CYTH3: variants seen among roughly 807,000 people sequenced by gnomAD.
CYTH3 encodes the protein cytohesin 3, also known as cytohesin-3.
CYTH3 carries 23 observed loss-of-function variants against 55.1 expected under a neutral mutation model. That is an observed-to-expected ratio of 0.42 (90% CI 0.30 to 0.59). The LOEUF is 0.59. CYTH3 is among the 20% of genes least tolerant of loss of function. The pLI is 0.20. For missense variants in CYTH3, 413 were observed against 524.8 expected, an observed-to-expected ratio of 0.79 and a Z score of 2.08; for synonymous variants, 249 against 194.9, an observed-to-expected ratio of 1.28 and a Z score of -2.31.
intron 1 of CYTH3, among the ~76,000 whole-genome samples, chr7:6,206,020 A>G (rs986133928): frequency 1.3e-5 from 2 of 152,066 alleles, no homozygotes; most frequent in African/African-American, 4.8e-5. Flanking sequence ...TCAATTATTA[A>G]AATAAAATCA....
intron 1 of CYTH3, among the ~76,000 whole-genome samples, chr7:6,229,520 T>C (rs986390541): frequency 6.6e-6 from 1 of 151,706 alleles, no homozygotes; most frequent in Admixed American, 6.6e-5. Flanking sequence ...TCATAGAACA[T>C]ATCTCAGGGC....
chr7:6,214,156 G>A (rs1784379674), intron 1 of CYTH3, among the ~76,000 whole-genome samples: 1 of 152,178 alleles, frequency 6.6e-6, no homozygotes, highest in South Asian at 2.1e-4. Flanking sequence ...AAGATGGATG[G>A]ATGGATCGAT....
At chr7:6,245,929 G>A (rs1310694162) in intron 1 of CYTH3, among the ~76,000 whole-genome samples, 1 of 152,090 alleles carries the variant, frequency 6.6e-6, no homozygotes, top group Non-Finnish European at 1.5e-5. Flanking sequence ...CGAGTTTGGG[G>A]AGGAATCACA....
At chr7:6,215,155 T>C (rs935691108) in intron 1 of CYTH3, among the ~76,000 whole-genome samples, 1 of 151,924 alleles carries the variant, frequency 6.6e-6, no homozygotes, top group African/African-American at 2.4e-5. Context: ...CACATGAGAG[T>C]TGACAAGGAA....
intron 1 of CYTH3, among the ~76,000 whole-genome samples, chr7:6,194,789 A>C (rs1333151990): frequency 1.3e-5 from 2 of 152,178 alleles, no homozygotes; most frequent in Non-Finnish European, 2.9e-5. Flanking sequence ...ATCCTGGCTA[A>C]CATGGTGAAA....
At position 6,165,623 on chromosome 7, in the gene CYTH3, G is replaced by C. The variant is rs756810208; in HGVS notation, c.901-7C>G. On this transcript the variant is annotated splice_polypyrimidine_tract_variant and splice_region_variant and intron_variant, in intron 10 of 12. Coordinates refer to ENST00000350796, the MANE Select transcript of CYTH3 (RefSeq NM_004227.4). ...TTCCCCTGGGCTCCTTATCCTACAA[G>C]AGGAAAGTACACGGCGGGGCTCACT... 2.2e-5 allele frequency: 35 copies of C among 1,613,834 alleles called. 1 individual carries two copies. The highest frequency in any genetic ancestry group is 2.5e-5 in the Non-Finnish European group (29 of 1,179,908).
chr7:6,245,730 C>T (rs972091421), intron 1 of CYTH3, among the ~76,000 whole-genome samples: 14 of 152,156 alleles, frequency 9.2e-5, no homozygotes, highest in African/African-American at 3.4e-4. Flanking sequence ...CATGGTGAAA[C>T]CCCGTCTCTA....
At position 6,256,207 on chromosome 7, in the gene CYTH3, T is replaced by G. The variant is rs551502869; in HGVS notation, c.34+16267A>C. Among the ~76,000 whole-genome samples the G allele has an allele frequency of 2.0e-5, 3 of 152,312 alleles. No individual in the cohort carries two copies. In the South Asian group the frequency reaches 6.2e-4, roughly 32 times the overall value. ...CATTTCGTGATGGCTGAAACCAAGA[T>G]AAAACCGCCTACAGCAAGTCCTGAG... On this transcript the variant is annotated intron_variant, in intron 1 of 12. Coordinates refer to ENST00000350796, the MANE Select transcript of CYTH3 (RefSeq NM_004227.4).
At chr7:6,263,095 T>A (rs1780395177) in intron 1 of CYTH3, among the ~76,000 whole-genome samples, 1 of 152,224 alleles carries the variant, frequency 6.6e-6, no homozygotes, top group Non-Finnish European at 1.5e-5. Flanking sequence ...GCTGACAGTA[T>A]GTCCATCTGA....
At chr7:6,229,361 T>C (rs148461003) in intron 1 of CYTH3, among the ~76,000 whole-genome samples, 65 of 152,338 alleles carry the variant, frequency 4.3e-4, no homozygotes, top group African/African-American at 1.4e-3. Flanking sequence ...CTCATTTTCC[T>C]ATGAGACACA....
Position 6,181,727 on chromosome 7 carries a change from G to A in CYTH3, c.250-3786C>T, listed in dbSNP as rs964344784. Among the ~76,000 whole-genome samples the A allele has an allele frequency of 2.6e-5, 4 of 152,002 alleles. No homozygotes were observed. In the East Asian group the frequency reaches 7.7e-4, roughly 29 times the overall value. ...CCTCCACTTTCCATTCTCTCCTTCT[G>A]TGACTTCTATTACATGAAATTTGGG... On this transcript the variant is annotated intron_variant, in intron 4 of 12. Transcript: ENST00000350796.
intron 4 of CYTH3, among the ~76,000 whole-genome samples, chr7:6,186,233 G>C (rs1338249800): frequency 8.2e-6 from 1 of 122,538 alleles, no homozygotes; most frequent in Non-Finnish European, 1.6e-5. Context: ...GACAGAGCAA[G>C]ACTCTATCTC....
chr7:6,261,689 C>CA (rs71549614), intron 1 of CYTH3, among the ~76,000 whole-genome samples: 5,898 of 47,112 alleles, frequency 0.13, 600 homozygotes, highest in African/African-American at 0.18. Context: ...GACCCTGTCT[C>CA]AAAAAAAAAA....
intron 1 of CYTH3, among the ~76,000 whole-genome samples, chr7:6,233,857 T>C (rs1395531863): frequency 6.6e-6 from 1 of 152,010 alleles, no homozygotes; most frequent in Non-Finnish European, 1.5e-5. Context: ...GAGTCCAAGA[T>C]CCAGGTGCCG....
chr7:6,165,961 G>T (rs922144123), intron 9 of CYTH3, 151 bp from the exon 10 acceptor site: 11 of 728,664 alleles, frequency 1.5e-5, no homozygotes, highest in East Asian at 2.7e-5. Flanking sequence ...CGTTCCCACC[G>T]CAGGGCCCCA....
intron 1 of CYTH3, among the ~76,000 whole-genome samples, chr7:6,243,202 C>T (rs919709320): frequency 6.6e-6 from 1 of 152,202 alleles, no homozygotes; most frequent in African/African-American, 2.4e-5. Context: ...GGCTTCTCAC[C>T]TCCAGGCATA....
At chr7:6,205,425 T>C (rs917963762) in intron 1 of CYTH3, among the ~76,000 whole-genome samples, 1 of 151,584 alleles carries the variant, frequency 6.6e-6, no homozygotes, top group African/African-American at 2.4e-5. Flanking sequence ...ATACAAAAAA[T>C]TAGCCAGGCA....
intron 1 of CYTH3, among the ~76,000 whole-genome samples, chr7:6,271,640 G>C (rs1780660449): frequency 6.6e-6 from 1 of 152,134 alleles, no homozygotes; most frequent in Non-Finnish European, 1.5e-5. Flanking sequence ...GCAGTCATTT[G>C]TATTCCACTA....
intron 2 of CYTH3, 98 bp downstream of exon 2, chr7:6,190,346 GTTTTT>G: frequency 1.6e-6 from 1 of 627,126 alleles, no homozygotes; most frequent in Non-Finnish European, 2.2e-6. Context: ...TTGTTTTTGG[GTTTTT>G]TTTTTTTTTT....
Sources: gnomAD v4.1 joint callset for allele counts (sites outside exome capture counted in the v4.1 genomes callset) on GRCh38, gnomAD v4.1.1 for gene constraint, MANE v1.5 for transcripts, NCBI Gene and HGNC (gene_info 2026-07-23, HGNC 2026-07-21) for gene names.